Variants in PADI2 observed in about 807,000 individuals in gnomAD.
PADI2 encodes the protein protein-arginine deiminase type-2.
In PADI2, 70 loss-of-function variants were observed where a neutral mutation model predicts 81.1. That is an observed-to-expected ratio of 0.86 (90% CI 0.71 to 1.05). The LOEUF is 1.05. PADI2 is among the 50% of genes least tolerant of loss of function. PADI2 has a pLI of 0.00. For synonymous variants in PADI2, 338 were observed against 358.0 expected (o/e 0.94, Z 0.63); for missense variants, 853 against 889.9 (o/e 0.96, Z 0.53).
Position 17,083,846 on chromosome 1 carries a change from T to G in PADI2, c.939-9A>C, listed in dbSNP as rs200349527. 4.5e-6 allele frequency: 7 copies of G among 1,566,020 alleles called. No homozygotes were observed. In the East Asian group the frequency reaches 1.3e-4, roughly 30 times the overall value. On this transcript the variant is annotated splice_polypyrimidine_tract_variant and intron_variant, in intron 8 of 15. Coordinates refer to ENST00000375486, the MANE Select transcript of PADI2 (RefSeq NM_007365.3). Reference sequence around the variant, plus strand: ...GGTAATTATCCTTCATGCTGAGAAGTTGGGGGAAGAAGGAGAGGCCAGGAG... The same window carrying G: ...GGTAATTATCCTTCATGCTGAGAAGGTGGGGGAAGAAGGAGAGGCCAGGAG...
intron 11 of PADI2, among the ~76,000 whole-genome samples, chr1:17,078,324 A>T (rs964927915): frequency 6.6e-6 from 1 of 152,022 alleles, no homozygotes; most frequent in African/African-American, 2.4e-5. Flanking sequence ...TTGGTCAGGC[A>T]GGTCTCAAAC....
At chr1:17,069,385 A>T (rs2078248771) in intron 15 of PADI2, 108 bp from the exon 16 acceptor site, 2 of 817,470 alleles carry the variant, frequency 2.4e-6, no homozygotes, top group Middle Eastern at 2.3e-4. Flanking sequence ...TGAAGTAGTA[A>T]CTGTGATTGG....
chr1:17,102,144 G>A lies in PADI2; in HGVS notation c.349+843C>T, dbSNP rs185256693. On this transcript the variant is annotated intron_variant, in intron 3 of 15. Coordinates refer to ENST00000375486, the MANE Select transcript of PADI2 (RefSeq NM_007365.3). ...TGGTAGTTCCCTTCCTCTGCCATGC[G>A]GCAACTCTGTCAATGTTAAACCAAG... Among the ~76,000 whole-genome samples the A allele has an allele frequency of 1.6e-4, 25 of 152,268 alleles. No homozygotes were observed. In the East Asian group the frequency reaches 4.8e-3, roughly 29 times the overall value.
chr1:17,108,044 G>A (rs150339744), intron 1 of PADI2, among the ~76,000 whole-genome samples: 2,601 of 151,594 alleles, frequency 0.017, 65 homozygotes, highest in African/African-American at 0.058. Flanking sequence ...TGTCTCCTTG[G>A]TTCAAGCGAT....
intron 1 of PADI2, among the ~76,000 whole-genome samples, chr1:17,111,929 G>C (rs372783396): frequency 6.6e-6 from 1 of 152,304 alleles, no homozygotes; most frequent in East Asian, 1.9e-4. Context: ...TGTGAGCAAG[G>C]GGGAGGGAGA....
At chr1:17,105,436 C>T (rs750296607) in intron 1 of PADI2, among the ~76,000 whole-genome samples, 13 of 151,914 alleles carry the variant, frequency 8.6e-5, no homozygotes, top group Non-Finnish European at 1.2e-4. Context: ...ACTCTTGTTG[C>T]CCAGGCTGGA....
rs79758164 is a variant in PADI2 at position 17,086,146 on chromosome 1, C to T, written c.834+375G>A. On this transcript the variant is annotated intron_variant, in intron 7 of 15. Transcript: ENST00000375486. ...TCAGAGTGGGGCAGGAAGTACAGAG[C>T]GCGCAGTAGGTGGTCAGCAAACCCC... is the stretch of plus-strand genomic sequence containing the variant. Among the ~76,000 whole-genome samples, 312 of 152,276 alleles carry T rather than the reference C, an allele frequency of 2.0e-3. 2 individuals carry two copies. Among genetic ancestry groups the T allele is most frequent in the East Asian group, 0.016 (84 of 5,170 alleles).
At chr1:17,118,478 G>A (rs976854116) in intron 1 of PADI2, among the ~76,000 whole-genome samples, 5 of 152,106 alleles carry the variant, frequency 3.3e-5, no homozygotes, top group Admixed American at 1.3e-4. Flanking sequence ...CTGCTTTCTG[G>A]GATTGCGGGG....
chr1:17,090,780 T>C (rs1216202869), intron 6 of PADI2, among the ~76,000 whole-genome samples: 2 of 152,098 alleles, frequency 1.3e-5, no homozygotes, highest in East Asian at 1.9e-4. Flanking sequence ...TTCCTCTTTT[T>C]TCTTGTCTGC....
chr1:17,094,801 G>A (rs983594815), intron 4 of PADI2, among the ~76,000 whole-genome samples: 7 of 152,206 alleles, frequency 4.6e-5, no homozygotes, highest in African/African-American at 1.4e-4. Flanking sequence ...CCAGCCCCTT[G>A]GGGGAGGTTG....
chr1:17,074,726 G>A (rs1191212775), intron 13 of PADI2, 130 bp downstream of exon 13: 5 of 599,682 alleles, frequency 8.3e-6, no homozygotes, highest in South Asian at 3.9e-5. Context: ...ACAAACCCCC[G>A]ATCGGGCCAG....
intron 1 of PADI2, among the ~76,000 whole-genome samples, chr1:17,109,124 C>A (rs1238243066): frequency 6.6e-6 from 1 of 152,070 alleles, no homozygotes; most frequent in Non-Finnish European, 1.5e-5. Context: ...GTGGCTCACA[C>A]CTGTAACCCC....
chr1:17,117,840 TC>T (rs1931811964), intron 1 of PADI2, among the ~76,000 whole-genome samples: 1 of 152,198 alleles, frequency 6.6e-6, no homozygotes, highest in African/African-American at 2.4e-5. Flanking sequence ...GGTGCCCAGT[TC>T]AGGGCTGGGG....
At chr1:17,072,700 C>T (rs78048432) in intron 13 of PADI2, among the ~76,000 whole-genome samples, 1,837 of 152,304 alleles carry the variant, frequency 0.012, 35 homozygotes, top group African/African-American at 0.042. Context: ...CTGACCATGC[C>T]TTCTGTCCAT....
At chr1:17,104,111 T>A (rs548230669) in intron 2 of PADI2, among the ~76,000 whole-genome samples, 3 of 139,480 alleles carry the variant, frequency 2.2e-5, no homozygotes, top group Non-Finnish European at 4.6e-5. Context: ...TGAAACCCCA[T>A]CTCTACTAAA....
At chr1:17,102,357 G>GC (rs1216123318) in intron 3 of PADI2, among the ~76,000 whole-genome samples, 11 of 152,198 alleles carry the variant, frequency 7.2e-5, no homozygotes, top group Non-Finnish European at 1.6e-4. Flanking sequence ...ATGCAGGCCT[G>GC]GCACCCAGCG....
intron 5 of PADI2, 44 bp from the exon 6 acceptor site, chr1:17,092,577 G>A (rs1930742194): frequency 6.7e-7 from 1 of 1,501,634 alleles, no homozygotes; most frequent in South Asian, 1.3e-5. Flanking sequence ...TCTGTTGCTG[G>A]AGCCTCAGCT....
chr1:17,111,849 G>A (rs1019622845), intron 1 of PADI2, among the ~76,000 whole-genome samples: 1 of 152,192 alleles, frequency 6.6e-6, no homozygotes, highest in South Asian at 2.1e-4. Flanking sequence ...GACAGCTTGC[G>A]TGATGGCCTG....
chr1:17,071,571 G>T (rs875219), intron 13 of PADI2, 80 bp from the exon 14 acceptor site: 14 of 1,117,040 alleles, frequency 1.3e-5, no homozygotes, highest in Non-Finnish European at 1.5e-5. Context: ...GATCCTCCAG[G>T]CCTGGGCTAA....
Sources: allele counts gnomAD v4.1 joint callset (sites outside exome capture counted in the v4.1 genomes callset), GRCh38; gene constraint gnomAD v4.1.1; transcripts MANE v1.5; gene names NCBI Gene and HGNC (gene_info 2026-07-23, HGNC 2026-07-21).